The following KDM4C variants were observed in gnomAD, a reference collection of about 807,000 sequenced individuals.
KDM4C encodes lysine demethylase 4C, also known as lysine-specific demethylase 4C.
A neutral mutation model predicts 129.3 loss-of-function variants in KDM4C; 81 were observed. The ratio of observed to expected loss-of-function variants is 0.63; its 90% CI spans 0.52 to 0.75. KDM4C has a LOEUF of 0.75. Among genes scored for constraint, KDM4C ranks in the 30% least tolerant of loss-of-function variants. The pLI, the probability that KDM4C is intolerant of heterozygous loss-of-function variation, is 0.00. For synonymous variants in KDM4C, 573 were observed against 456.1 expected, an observed-to-expected ratio of 1.26 and a Z score of -3.26; for missense variants, 1,457 against 1,304.0, an observed-to-expected ratio of 1.12 and a Z score of -1.81.
At chr9:7,066,863 T>C (rs1353585166) in intron 17 of KDM4C, among the ~76,000 whole-genome samples, 2 of 152,356 alleles carry the variant, frequency 1.3e-5, no homozygotes, top group East Asian at 1.9e-4. Context: ...GAGATAATTA[T>C]CTTTTGATAT....
At chr9:7,169,941 C>G (rs1209001085) in intron 21 of KDM4C, 51 bp downstream of exon 21, 2 of 1,611,232 alleles carry the variant, frequency 1.2e-6, no homozygotes, top group African/African-American at 2.7e-5. Flanking sequence ...ATTCCTTGTC[C>G]TCACCTCATG....
At chr9:6,918,540 A>G (rs948121071) in intron 8 of KDM4C, among the ~76,000 whole-genome samples, 20 of 152,178 alleles carry the variant, frequency 1.3e-4, no homozygotes, top group African/African-American at 4.3e-4. Context: ...ATACCCATCA[A>G]TAGGATTGCT....
intron 4 of KDM4C, among the ~76,000 whole-genome samples, chr9:6,826,045 C>T (rs185354400): frequency 2.5e-4 from 38 of 152,288 alleles, no homozygotes; most frequent in African/African-American, 7.2e-4. Flanking sequence ...CTCCTGGCTT[C>T]AAGTGATCTT....
intron 17 of KDM4C, among the ~76,000 whole-genome samples, chr9:7,075,374 G>GT (rs1298885394): frequency 1.3e-5 from 2 of 152,192 alleles, no homozygotes; most frequent in Non-Finnish European, 2.9e-5. Context: ...CAGTGTGGCA[G>GT]TGTTGGGGGG....
intron 5 of KDM4C, among the ~76,000 whole-genome samples, chr9:6,864,371 G>A (rs572551038): frequency 4.6e-5 from 7 of 152,298 alleles, no homozygotes; most frequent in African/African-American, 1.7e-4. Flanking sequence ...CTGTTGCCAG[G>A]CCAGTTAGAT....
rs746597297 is a variant in KDM4C at position 7,175,069 on chromosome 9, G to A, written c.*340G>A. ...GGCGGGTCCCCTTGTGCGGCTTAGG[G>A]CCCTGTCAGGAAACACACGGGGACC... On this transcript the variant is annotated 3_prime_UTR_variant, in exon 22 of 22. Transcript: ENST00000381309. The A allele has an allele frequency of 1.1e-5, 2 of 188,938 alleles. No individual in the cohort carries two copies. The highest frequency in any genetic ancestry group is 1.2e-4 in the East Asian group (1 of 8,210). 11.7% of individuals were successfully genotyped at this position (188,938 alleles called of 1,614,324 possible).
At chr9:6,752,085 G>A (rs1169943959) in intron 1 of KDM4C, among the ~76,000 whole-genome samples, 2 of 150,502 alleles carry the variant, frequency 1.3e-5, no homozygotes, top group African/African-American at 5.0e-5. Context: ...TGTAATCCCA[G>A]CACTTTGGGA....
intron 11 of KDM4C, among the ~76,000 whole-genome samples, chr9:6,989,211 C>T (rs1430909087): frequency 6.6e-6 from 1 of 152,176 alleles, no homozygotes; most frequent in African/African-American, 2.4e-5. Context: ...TTACAATGGT[C>T]TTACACATTT....
intron 4 of KDM4C, chr9:6,815,028 A>G (rs573042335): frequency 4.3e-6 from 1 of 233,064 alleles, no homozygotes; most frequent in Non-Finnish European, 8.2e-6. Context: ...AAAATACATT[A>G]TAAAAATGTT....
At chr9:7,030,962 T>A (rs892747624) in intron 15 of KDM4C, among the ~76,000 whole-genome samples, 1 of 152,074 alleles carries the variant, frequency 6.6e-6, no homozygotes, top group Non-Finnish European at 1.5e-5. Flanking sequence ...TGAAAAGCAT[T>A]TATTTTACTC....
chr9:6,803,564 C>A lies in KDM4C; in HGVS notation c.145-2035C>A, dbSNP rs536707639. ...CAGCCTGGGCAACAAGAGCAAAACT[C>A]GGTCTCAAAAAAAAAAAAAAAGTTT... On this transcript the variant is annotated intron_variant, in intron 2 of 21. Coordinates refer to ENST00000381309, the MANE Select transcript of KDM4C (RefSeq NM_015061.6). Among the ~76,000 whole-genome samples the A allele has an allele frequency of 1.5e-4, 22 of 143,452 alleles. No individual in the cohort carries two copies. The South Asian group carries it at 4.7e-3, about 30-fold the overall frequency. The allele number at this position is 143,452 out of a possible 152,430, so 94.1% of individuals were successfully genotyped here. A position where few individuals can be genotyped will look rare whatever the true frequency, so the allele number is the denominator to read the frequency against.
chr9:6,974,394 C>T (rs1207096001), intron 8 of KDM4C, among the ~76,000 whole-genome samples: 3 of 152,138 alleles, frequency 2.0e-5, no homozygotes, highest in Admixed American at 6.5e-5. Context: ...GAGTCTTACT[C>T]TGTCGTCCAG....
intron 1 of KDM4C, among the ~76,000 whole-genome samples, chr9:6,729,204 C>CAAAAAAAAAAAAAAAAAA (rs1186478804): frequency 3.1e-5 from 1 of 32,108 alleles, no homozygotes; most frequent in African/African-American, 2.1e-4. Context: ...GCTCCGTCTC[C>CAAAAAAAAAAAAAAAAAA]AAAAAAAAAA....
chr9:7,147,279 C>G (rs1842303162), intron 19 of KDM4C, among the ~76,000 whole-genome samples: 1 of 152,156 alleles, frequency 6.6e-6, no homozygotes, highest in South Asian at 2.1e-4. Context: ...CTGGGTAGGT[C>G]AAGCTGTGCT....
At chr9:6,793,760 C>G (rs1267040486) in intron 2 of KDM4C, among the ~76,000 whole-genome samples, 2 of 152,074 alleles carry the variant, frequency 1.3e-5, no homozygotes, top group East Asian at 1.9e-4. Context: ...CCAGGCTGGT[C>G]TTGAACTCCT....
intron 17 of KDM4C, among the ~76,000 whole-genome samples, chr9:7,087,431 C>T (rs1437761135): frequency 6.6e-6 from 1 of 151,856 alleles, no homozygotes; most frequent in Non-Finnish European, 1.5e-5. Context: ...TAATAATTAC[C>T]AATGTTATAG....
At chr9:7,171,992 A>G (rs2130521265) in intron 21 of KDM4C, among the ~76,000 whole-genome samples, 1 of 152,282 alleles carries the variant, frequency 6.6e-6, no homozygotes, top group East Asian at 1.9e-4. Flanking sequence ...TCAAAGACAT[A>G]CACAGTCTTG....
At chr9:6,911,829 G>T (rs1819371411) in intron 8 of KDM4C, among the ~76,000 whole-genome samples, 1 of 152,198 alleles carries the variant, frequency 6.6e-6, no homozygotes, top group Admixed American at 6.5e-5. Context: ...CTGGTGCTGG[G>T]GCTCGGGGAG....
intron 1 of KDM4C, among the ~76,000 whole-genome samples, chr9:6,779,124 G>A (rs1214745339): frequency 6.7e-6 from 1 of 149,058 alleles, no homozygotes; most frequent in Non-Finnish European, 1.5e-5. Context: ...CACCTTCCGG[G>A]TTCAAGCCAT....
Sources: allele counts gnomAD v4.1 joint callset (sites outside exome capture counted in the v4.1 genomes callset), GRCh38; gene constraint gnomAD v4.1.1; transcripts MANE v1.5; gene names NCBI Gene and HGNC (gene_info 2026-07-23, HGNC 2026-07-21).